PIGP: variants seen among roughly 807,000 people sequenced by gnomAD.
PIGP encodes phosphatidylinositol N-acetylglucosaminyltransferase subunit P.
PIGP carries 12 observed loss-of-function variants against 16.9 expected under a neutral mutation model. That is an observed-to-expected ratio of 0.71 (90% CI 0.46 to 1.15). The LOEUF (loss-of-function observed/expected upper bound fraction) is 1.15. Ranked by LOEUF, PIGP falls within the 50% of genes most tolerant of loss-of-function variation. PIGP has a pLI of 0.00. For synonymous variants in PIGP, 57 were observed against 54.7 expected (o/e 1.04, Z -0.18); for missense variants, 159 against 153.5 (o/e 1.04, Z -0.19).
chr21:37,072,844 C>A (rs890387087), intron 1 of PIGP, 156 bp downstream of exon 1: 1 of 476,930 alleles, frequency 2.1e-6, no homozygotes, highest in Non-Finnish European at 3.7e-6. Flanking sequence ...CGCGCGGCGC[C>A]CACCAGCATG....
Position 37,072,593 on chromosome 21 carries a change from C to A in PIGP, c.-22-56G>T, listed in dbSNP as rs1216747467. The A allele has an allele frequency of 2.5e-6, 4 of 1,609,534 alleles. No homozygotes were observed. In the African/African-American group the frequency reaches 5.3e-5, roughly 22 times the overall value. Reference sequence around the variant, plus strand: ...GATGTGCTCCGTGGCACCATTGATCCATTCTCGCCTCCTCGCTCCGCCGCG... The same window carrying A: ...GATGTGCTCCGTGGCACCATTGATCAATTCTCGCCTCCTCGCTCCGCCGCG... On this transcript the variant is annotated intron_variant, in intron 1 of 4. Coordinates refer to ENST00000360525, the MANE Select transcript of PIGP (RefSeq NM_153682.3).
chr21:37,068,832 G>C (rs547422486), intron 3 of PIGP, among the ~76,000 whole-genome samples: 2 of 152,122 alleles, frequency 1.3e-5, no homozygotes, highest in South Asian at 2.1e-4. Flanking sequence ...AGCCCCAAGA[G>C]GGAAGATGGA....
At chr21:37,068,281 G>C (rs933985407) in intron 3 of PIGP, among the ~76,000 whole-genome samples, 1 of 150,736 alleles carries the variant, frequency 6.6e-6, no homozygotes, top group Admixed American at 6.6e-5. Context: ...AATTTTTAAC[G>C]ATTATACTTT....
chr21:37,070,044 C>T (rs2069975518), intron 2 of PIGP, among the ~76,000 whole-genome samples: 1 of 152,164 alleles, frequency 6.6e-6, no homozygotes, highest in Non-Finnish European at 1.5e-5. Context: ...TGAGCTTCTG[C>T]CCTATCTCCC....
chr21:37,065,609 T>C lies in PIGP; in HGVS notation c.378A>G (p.Ala126=), dbSNP rs1601120402. 1 of 1,613,274 alleles carries C rather than the reference T, an allele frequency of 6.2e-7. No individual in the cohort carries two copies. Among genetic ancestry groups the C allele is most frequent in the Non-Finnish European group, 8.5e-7 (1 of 1,179,652 alleles). ...ISEVNQMFFL[A]AKELYTKN is the part of the protein sequence containing the mutation. ...AGTTTTTGGTGTAAAGTTCTTTGGC[T>C]GCAAGAAAGAACATTTGGTTTACTT... The change falls in exon 5 of 5, where the codon GCA becomes GCG. Residue 126 remains alanine (A), a synonymous_variant. Transcript: ENST00000360525.
Position 37,072,518 on chromosome 21 carries a change from T to C in PIGP, c.-3A>G. On this transcript the variant is annotated 5_prime_UTR_variant, in exon 2 of 5. Coordinates refer to ENST00000360525, the MANE Select transcript of PIGP (RefSeq NM_153682.3). The stretch of plus-strand genomic sequence containing the variant: ...GGCGACGGTGAATTTTCCACCATTT[T>C]TCCTGGGGCTTTAGACAATCTGTGG... The C allele has an allele frequency of 6.2e-7, 1 of 1,614,240 alleles. No individual in the cohort carries two copies. Among genetic ancestry groups the C allele is most frequent in the Non-Finnish European group, 8.5e-7 (1 of 1,180,020 alleles).
Position 37,067,293 on chromosome 21 carries a change from G to T in PIGP, c.243C>A (p.Thr81=). 1 of 1,604,340 alleles carries T rather than the reference G, an allele frequency of 6.2e-7. No individual in the cohort carries two copies. Among genetic ancestry groups the T allele is most frequent in the Admixed American group, 1.7e-5 (1 of 60,006 alleles). ...TTGTATGGATGGAGTCGAGTGGAGA[G>T]GTACTCATCATGTTAATCCCAAACA... The part of the protein sequence containing the change: ...VLLFGINMMS[T]SPLDSIHTIT... Residue 81 remains threonine, a synonymous_variant, in exon 4 of 5, where the codon ACC becomes ACA. Coordinates refer to ENST00000360525, the MANE Select transcript of PIGP (RefSeq NM_153682.3).
chr21:37,072,588 T>G (rs768292253), intron 1 of PIGP, 51 bp from the exon 2 acceptor site: 1 of 1,613,626 alleles, frequency 6.2e-7, no homozygotes, highest in African/African-American at 1.3e-5. Flanking sequence ...GTGGCACCAT[T>G]GATCCATTCT....
intron 2 of PIGP, 199 bp downstream of exon 2, chr21:37,072,235 T>C: frequency 1.2e-6 from 2 of 1,611,936 alleles, no homozygotes; most frequent in Non-Finnish European, 1.7e-6. Context: ...TGTATAAATA[T>C]TTGTAGAGAC....
chr21:37,065,680 A>G lies in PIGP; in HGVS notation c.307T>C (p.Tyr103His), dbSNP rs146570408. 1.9e-6 allele frequency: 3 copies of G among 1,613,230 alleles called. No homozygotes were observed. The highest frequency in any genetic ancestry group is 1.3e-5 in the African/African-American group (1 of 74,898). The change falls in exon 5 of 5, where the codon TAC becomes CAC. Residue 103 changes from tyrosine (Y) to histidine (H), a missense_variant. Transcript: ENST00000360525. ...AAGGCTGGAATGGCCTCCTCTTGGT[A>G]TTTCTTCTGCTGTTGATTTTTTGCA... ...NYAKNQQQKK[Y>H]QEEAIPALRD...
At chr21:37,072,038 CA>C (rs981709376) in intron 2 of PIGP, 2 of 768,576 alleles carry the variant, frequency 2.6e-6, no homozygotes, top group African/African-American at 3.4e-5. Flanking sequence ...GCATCAGTGC[CA>C]GGGGGAAAGG....
chr21:37,072,652 C>G, intron 1 of PIGP, 115 bp from the exon 2 acceptor site: 1 of 1,561,444 alleles, frequency 6.4e-7, no homozygotes, highest in Non-Finnish European at 8.7e-7. Context: ...CCGCCTCCCG[C>G]GCCTCCGTCC....
At chr21:37,072,660 TC>T in intron 1 of PIGP, 123 bp from the exon 2 acceptor site, 2 of 1,541,268 alleles carry the variant, frequency 1.3e-6, no homozygotes, top group South Asian at 2.3e-5. Flanking sequence ...CGCGCCTCCG[TC>T]CGCAACCCGC....
intron 2 of PIGP, chr21:37,072,038 C>T: frequency 1.3e-6 from 1 of 768,694 alleles, no homozygotes; most frequent in Non-Finnish European, 2.4e-6. Flanking sequence ...GCATCAGTGC[C>T]AGGGGGAAAG....
At chr21:37,068,961 A>G (rs2146808445) in intron 3 of PIGP, among the ~76,000 whole-genome samples, 1 of 152,294 alleles carries the variant, frequency 6.6e-6, no homozygotes, top group East Asian at 1.9e-4. Flanking sequence ...CTCTTACTTA[A>G]CCTTGCCAGA....
At chr21:37,067,015 T>TGTGTGTGTG in intron 4 of PIGP, among the ~76,000 whole-genome samples, 4 of 145,214 alleles carry the variant, frequency 2.8e-5, no homozygotes, top group African/African-American at 1.0e-4. Context: ...TGTGTGTGTG[T>TGTGTGTGTG]TTTCTTTTAG....
chr21:37,067,954 A>G (rs2069934940), intron 3 of PIGP, among the ~76,000 whole-genome samples: 2 of 150,578 alleles, frequency 1.3e-5, no homozygotes, highest in African/African-American at 4.9e-5. Context: ...CTCTGATAGG[A>G]CTCTATTATG....
chr21:37,065,779 G>C, intron 4 of PIGP, 67 bp from the exon 5 acceptor site: 1 of 1,418,766 alleles, frequency 7.0e-7, no homozygotes, highest in Non-Finnish European at 9.8e-7. Context: ...GTGTCTGATG[G>C]AGACCCACCA....
At position 37,065,665 on chromosome 21, in the gene PIGP, T is replaced by A. The variant is rs200401315; in HGVS notation, c.322A>T (p.Ile108Phe). The A allele has an allele frequency of 3.1e-6, 5 of 1,613,292 alleles. No homozygotes were observed. Among genetic ancestry groups the A allele is most frequent in the Non-Finnish European group, 4.2e-6 (5 of 1,179,632 alleles). The change falls in exon 5 of 5, where the codon ATT becomes TTT. Residue 108 changes from isoleucine to phenylalanine, a missense_variant. Coordinates refer to ENST00000360525, the MANE Select transcript of PIGP (RefSeq NM_153682.3). ...QQQKKYQEEA[I>F]PALRDISISE... Reference sequence around the variant, plus strand: ...ATAGAAATATCTCTTAAGGCTGGAATGGCCTCCTCTTGGTATTTCTTCTGC... The same window carrying A: ...ATAGAAATATCTCTTAAGGCTGGAAAGGCCTCCTCTTGGTATTTCTTCTGC...
Sources: allele counts gnomAD v4.1 joint callset (sites outside exome capture counted in the v4.1 genomes callset), GRCh38; gene constraint gnomAD v4.1.1; transcripts MANE v1.5; gene names NCBI Gene and HGNC (gene_info 2026-07-23, HGNC 2026-07-21).